Variants in ANKEF1 observed in about 807,000 individuals in gnomAD.
ANKEF1 encodes the protein ankyrin repeat and EF-hand domain-containing protein 1.
In ANKEF1, 43 loss-of-function variants were observed where a neutral mutation model predicts 65.1. That is an observed-to-expected ratio of 0.66 (90% CI 0.52 to 0.85). ANKEF1 has a LOEUF of 0.85. ANKEF1 is among the 40% of genes least tolerant of loss of function. The pLI is 0.00. For missense variants in ANKEF1, 934 were observed against 952.9 expected, an observed-to-expected ratio of 0.98 and a Z score of 0.26; for synonymous variants, 316 against 341.5, an observed-to-expected ratio of 0.93 and a Z score of 0.82.
In ANKEF1 at chr20:10,055,594, T is replaced by A; in HGVS notation, c.2265T>A (p.Phe755Leu). ...RFTHEVDFDD[F>L]MMPFQKNITE... ...CACATGAGGTGGACTTCGACGATTT[T>A]ATGATGCCTTTTCAGAAGAACATCA... Residue 755 changes from phenylalanine to leucine, a missense_variant, in exon 11 of 11, where the codon TTT (phenylalanine) becomes TTA (leucine). Physicochemically the swap from Phe to Leu is conservative, Grantham distance 22. Coordinates refer to ENST00000378392, the MANE Select transcript of ANKEF1 (RefSeq NM_022096.6). 6.2e-7 allele frequency: 1 copy of A among 1,613,852 alleles called. No individual in the cohort carries two copies. Among genetic ancestry groups the A allele is most frequent in the Non-Finnish European group, 8.5e-7 (1 of 1,179,826 alleles).
Position 10,038,409 on chromosome 20 carries a change from C to T in ANKEF1, c.108C>T (p.Tyr36=). The T allele has an allele frequency of 6.2e-7, 1 of 1,614,040 alleles. No homozygotes were observed. Among genetic ancestry groups the T allele is most frequent in the Non-Finnish European group, 8.5e-7 (1 of 1,179,920 alleles). The change falls in exon 3 of 11, where the codon TAC becomes TAT. Residue 36 remains tyrosine (Y), a synonymous_variant. Transcript: ENST00000378392. ...TAGAGAAGCTGACCAAGCTTGGATACCCTGAACTAATCAATTATACAGAAC... is the reference window on the plus strand; with the variant it reads ...TAGAGAAGCTGACCAAGCTTGGATATCCTGAACTAATCAATTATACAGAAC... ...KQIEKLTKLG[Y]PELINYTEPI... is the part of the protein sequence containing the mutation.
chr20:10,051,011 G>T (rs916865324), intron 7 of ANKEF1, among the ~76,000 whole-genome samples: 1 of 152,050 alleles, frequency 6.6e-6, no homozygotes, highest in Non-Finnish European at 1.5e-5. Context: ...TACCATAGTT[G>T]TATAACCTGG....
chr20:10,051,982 T>G, intron 8 of ANKEF1, 93 bp downstream of exon 8: 1 of 968,472 alleles, frequency 1.0e-6, no homozygotes, highest in Non-Finnish European at 1.5e-6. Flanking sequence ...TAGGCTTGCA[T>G]TGTCCACTGG....
chr20:10,037,305 T>C (rs751098063), intron 2 of ANKEF1, among the ~76,000 whole-genome samples: 15 of 152,282 alleles, frequency 9.9e-5, no homozygotes, highest in East Asian at 1.9e-4. Flanking sequence ...CCTCCAAGCA[T>C]GGACTCTCTC....
chr20:10,040,816 G>T (rs2063633214), intron 3 of ANKEF1: 1 of 152,138 alleles, frequency 6.6e-6, no homozygotes, highest in Non-Finnish European at 1.5e-5. Flanking sequence ...GTGGCTCTGG[G>T]CCTTTTGTAA....
rs143880600 is a variant in ANKEF1, at chr20:10,049,826, G to A, written c.1257G>A (p.Gly419=). 4 of 1,613,984 alleles carry A rather than the reference G, an allele frequency of 2.5e-6. No individual in the cohort carries two copies. The South Asian group carries it at 3.3e-5, about 13-fold the overall frequency. Residue 419 remains glycine, a synonymous_variant, in exon 7 of 11, where the codon GGG becomes GGA. Transcript: ENST00000378392. ...GSYGPKKKEK[G]MGKKGKKGKF... is the part of the protein sequence containing the mutation. Reference sequence around the variant, plus strand: ...ATGGACCTAAGAAAAAGGAAAAAGGGATGGGCAAAAAAGGAAAGAAAGGGA... The same window carrying A: ...ATGGACCTAAGAAAAAGGAAAAAGGAATGGGCAAAAAAGGAAAGAAAGGGA...
At position 10,055,677 on chromosome 20, in the gene ANKEF1, C is replaced by T; in HGVS notation, c.*17C>T. ...AAGACCTAAGTCATAGCAGTTATTT[C>T]TTGGGGTAAATGCTTTGAGGCCCAG... On this transcript the variant is annotated 3_prime_UTR_variant, in exon 11 of 11. Transcript: ENST00000378392. The T allele has an allele frequency of 6.2e-7, 1 of 1,612,988 alleles. No individual in the cohort carries two copies. Among genetic ancestry groups the T allele is most frequent in the East Asian group, 2.2e-5 (1 of 44,862 alleles).
At chr20:10,043,388 T>G in intron 4 of ANKEF1, 67 bp downstream of exon 4, 2 of 1,446,604 alleles carry the variant, frequency 1.4e-6, no homozygotes, top group Non-Finnish European at 1.9e-6. Flanking sequence ...TCTTTTCATT[T>G]AAATATGATG....
Position 10,057,196 on chromosome 20 carries a change from A to G in ANKEF1, c.*1536A>G, listed in dbSNP as rs1438359403. 2.0e-5 allele frequency: 3 copies of G among 152,078 alleles called. No individual in the cohort carries two copies. The highest frequency in any genetic ancestry group is 1.9e-4 in the East Asian group (1 of 5,182). The allele number at this position is 152,078 out of a possible 1,614,324, so 9.4% of individuals were successfully genotyped here. A position where few individuals can be genotyped will look rare whatever the true frequency, so the allele number is the denominator to read the frequency against. ...CTCTAACCTCCTCCCTCTCTTTCCA[A>G]CCTTGGAGGGACCTTCCACAGGAGC... On this transcript the variant is annotated 3_prime_UTR_variant, in exon 11 of 11. Transcript: ENST00000378392.
chr20:10,054,684 C>T, intron 10 of ANKEF1, 85 bp downstream of exon 10: 1 of 1,344,588 alleles, frequency 7.4e-7, no homozygotes, highest in Non-Finnish European at 1.0e-6. Context: ...AATATCCAAA[C>T]AAATCTGCAC....
intron 2 of ANKEF1, among the ~76,000 whole-genome samples, chr20:10,037,801 C>G (rs1799542784): frequency 6.6e-6 from 1 of 152,208 alleles, no homozygotes; most frequent in African/African-American, 2.4e-5. Flanking sequence ...CATCACATCT[C>G]TGATATGTTA....
intron 6 of ANKEF1, among the ~76,000 whole-genome samples, chr20:10,048,577 A>T (rs969632779): frequency 6.6e-6 from 1 of 152,196 alleles, no homozygotes; most frequent in Non-Finnish European, 1.5e-5. Context: ...ATTAATCTTG[A>T]AAAACATGGT....
At chr20:10,042,757 C>T (rs1300694475) in intron 3 of ANKEF1, among the ~76,000 whole-genome samples, 3 of 152,110 alleles carry the variant, frequency 2.0e-5, no homozygotes, top group Non-Finnish European at 4.4e-5. Flanking sequence ...TAGAGGGGAC[C>T]GGGGGACTTA....
rs985393494 is a variant in ANKEF1, at chr20:10,057,180, C to T, written c.*1520C>T. 2 of 152,210 alleles carry T rather than the reference C, an allele frequency of 1.3e-5. No homozygotes were observed. Among genetic ancestry groups the T allele is most frequent in the African/African-American group, 4.8e-5 (2 of 41,458 alleles). The allele number at this position is 152,210 out of a possible 1,614,324, so 9.4% of individuals were successfully genotyped here. On this transcript the variant is annotated 3_prime_UTR_variant, in exon 11 of 11. Transcript: ENST00000378392. Reference sequence around the variant, plus strand: ...GGATTAAACCCCTTTCCTCTAACCTCCTCCCTCTCTTTCCAACCTTGGAGG... The same window carrying T: ...GGATTAAACCCCTTTCCTCTAACCTTCTCCCTCTCTTTCCAACCTTGGAGG...
chr20:10,054,643 A>G, intron 10 of ANKEF1, 44 bp downstream of exon 10: 1 of 1,562,194 alleles, frequency 6.4e-7, no homozygotes, highest in Non-Finnish European at 8.6e-7. Flanking sequence ...AGAAGCTCAT[A>G]ATGTCATTTT....
Position 10,045,743 on chromosome 20 carries a change from C to T in ANKEF1, c.820+46C>T, listed in dbSNP as rs748170878. 6 of 1,602,006 alleles carry T rather than the reference C, an allele frequency of 3.7e-6. No individual in the cohort carries two copies. The Admixed American group carries it at 1.0e-4, about 27-fold the overall frequency. ...TGTGCTTCAAGTACTTATGATTTAC[C>T]CATGTCATAGATAAGCAGAGAATTT... is the stretch of plus-strand genomic sequence containing the variant. On this transcript the variant is annotated intron_variant, in intron 6 of 10. Coordinates refer to ENST00000378392, the MANE Select transcript of ANKEF1 (RefSeq NM_022096.6).
chr20:10,046,147 G>A (rs1202214425), intron 6 of ANKEF1, among the ~76,000 whole-genome samples: 4 of 152,070 alleles, frequency 2.6e-5, no homozygotes, highest in Non-Finnish European at 4.4e-5. Context: ...TGGTGACGGC[G>A]CCTGTAATCC....
At chr20:10,041,258 T>C (rs918499678) in intron 3 of ANKEF1, among the ~76,000 whole-genome samples, 2 of 152,012 alleles carry the variant, frequency 1.3e-5, no homozygotes, top group African/African-American at 4.8e-5. Context: ...GTAAGTGTAT[T>C]TTCTAAAATT....
At chr20:10,045,775 A>C in intron 6 of ANKEF1, 78 bp downstream of exon 6, 4 of 1,498,684 alleles carry the variant, frequency 2.7e-6, no homozygotes, top group Non-Finnish European at 3.7e-6. Context: ...ATTTGGGCCT[A>C]TCACTTGTCA....
Sources: gnomAD v4.1 joint callset for allele counts (sites outside exome capture counted in the v4.1 genomes callset) on GRCh38, gnomAD v4.1.1 for gene constraint, MANE v1.5 for transcripts, NCBI Gene and HGNC (gene_info 2026-07-23, HGNC 2026-07-21) for gene names.